Variants in CADPS observed in about 807,000 individuals in gnomAD.
The protein encoded by CADPS is calcium dependent secretion activator, also known as calcium-dependent secretion activator 1.
A neutral mutation model predicts 167.3 loss-of-function variants in CADPS; 57 were observed. The observed-to-expected ratio is 0.34, with a 90% CI of 0.28 to 0.42. The LOEUF (loss-of-function observed/expected upper bound fraction) is 0.42, where lower values mean the gene tolerates loss of function less well. Ranked by LOEUF, CADPS falls within the 20% of genes least tolerant of loss-of-function variation. CADPS has a pLI of 1.00. For synonymous variants in CADPS, 676 were observed against 635.3 expected, an observed-to-expected ratio of 1.06 and a Z score of -0.96; for missense variants, 1,414 against 1,738.1, an observed-to-expected ratio of 0.81 and a Z score of 3.32.
chr3:62,593,679 G>A (rs984189479), intron 6 of CADPS, among the ~76,000 whole-genome samples: 2 of 152,168 alleles, frequency 1.3e-5, no homozygotes, highest in African/African-American at 4.8e-5. Flanking sequence ...TTACATGTAT[G>A]TTTCCTCTGT....
At chr3:62,804,277 C>T (rs939697046) in intron 1 of CADPS, among the ~76,000 whole-genome samples, 2 of 151,996 alleles carry the variant, frequency 1.3e-5, no homozygotes, top group Middle Eastern at 3.2e-3. Context: ...AAAACCACTC[C>T]CCCTTTGAGG....
chr3:62,687,206 G>C (rs2078210701), intron 3 of CADPS, among the ~76,000 whole-genome samples: 1 of 152,108 alleles, frequency 6.6e-6, no homozygotes, highest in South Asian at 2.1e-4. Context: ...CCTCCCATCT[G>C]TTCTTGTTTT....
At position 62,557,499 on chromosome 3, in the gene CADPS, C is replaced by A; in HGVS notation, c.1659G>T (p.Thr553=). 1 of 1,613,536 alleles carries A rather than the reference C, an allele frequency of 6.2e-7. No individual in the cohort carries two copies. Among genetic ancestry groups the A allele is most frequent in the Non-Finnish European group, 8.5e-7 (1 of 1,179,518 alleles). Residue 553 remains threonine (T), a synonymous_variant, in exon 10 of 30, where the codon ACG becomes ACT. Transcript: ENST00000383710. ...TCTCCCGATAACTGCACATGGCAAA[C>A]GTGTACTGACTGACCTGTTAAGGAA... ...FFVLVQVSQY[T]FAMCSYREKK...
At chr3:62,728,809 G>A (rs2077213274) in intron 3 of CADPS, among the ~76,000 whole-genome samples, 1 of 151,734 alleles carries the variant, frequency 6.6e-6, no homozygotes, top group African/African-American at 2.4e-5. Flanking sequence ...TTGACTTGGG[G>A]GCGGCGGAAA....
intron 3 of CADPS, among the ~76,000 whole-genome samples, chr3:62,718,643 G>C (rs1478502351): frequency 6.6e-6 from 1 of 152,186 alleles, no homozygotes; most frequent in African/African-American, 2.4e-5. Flanking sequence ...AGTCAGTTTG[G>C]CAGCAGATCT....
chr3:62,537,716 C>T (rs915040323), intron 11 of CADPS, among the ~76,000 whole-genome samples: 2 of 151,908 alleles, frequency 1.3e-5, no homozygotes, highest in Non-Finnish European at 2.9e-5. Flanking sequence ...TCATGTGTGG[C>T]CTCAGTCCCA....
chr3:62,406,128 C>T (rs550174950), intron 28 of CADPS, among the ~76,000 whole-genome samples: 1 of 152,292 alleles, frequency 6.6e-6, no homozygotes, highest in East Asian at 1.9e-4. Context: ...GTGTGTTTGC[C>T]GGTCATGACA....
chr3:62,788,593 A>G (rs953317854), intron 1 of CADPS, among the ~76,000 whole-genome samples: 18 of 152,156 alleles, frequency 1.2e-4, no homozygotes, highest in African/African-American at 4.3e-4. Flanking sequence ...AAGCTATTGT[A>G]TGTGTACTTT....
intron 3 of CADPS, among the ~76,000 whole-genome samples, chr3:62,740,024 T>C (rs909720170): frequency 2.0e-5 from 3 of 152,228 alleles, no homozygotes; most frequent in Non-Finnish European, 4.4e-5. Context: ...ATCAGTGACT[T>C]ACACTAATAT....
At chr3:62,588,680 A>G (rs2085226663) in intron 7 of CADPS, among the ~76,000 whole-genome samples, 1 of 152,226 alleles carries the variant, frequency 6.6e-6, no homozygotes, top group Non-Finnish European at 1.5e-5. Flanking sequence ...AGCATTGTTT[A>G]TATAGCCAAA....
intron 1 of CADPS, among the ~76,000 whole-genome samples, chr3:62,811,738 C>T (rs2094404551): frequency 6.6e-6 from 1 of 152,152 alleles, no homozygotes; most frequent in Admixed American, 6.6e-5. Context: ...CGTATTAAAT[C>T]CTCATCAGCT....
At chr3:62,429,531 T>C (rs185074141) in intron 28 of CADPS, among the ~76,000 whole-genome samples, 2 of 152,232 alleles carry the variant, frequency 1.3e-5, no homozygotes, top group African/African-American at 4.8e-5. Flanking sequence ...GAGAAGTATT[T>C]GAGGATTTAA....
chr3:62,403,250 G>A, intron 28 of CADPS, 65 bp from the exon 29 acceptor site: 1 of 1,107,240 alleles, frequency 9.0e-7, no homozygotes, highest in Non-Finnish European at 1.4e-6. Context: ...CAGAGAGAGA[G>A]CAGGCAATGT....
rs1276979334 is a variant in CADPS at position 62,478,551 on chromosome 3, GCGGGGGCGA to G, written c.3174-144_3174-136del. ...AAAACAACGTGTGTTGGCGGTGGAG[GCGGGGGCGA>G]GTCTCCACCGGCAGATTTTGAGTTT... On this transcript the variant is annotated intron_variant, in intron 22 of 29. Transcript: ENST00000383710. The surrounding 1 kb of genome is among the most constrained non-coding windows in gnomAD (Gnocchi z 5.7). 2.6e-6 allele frequency: 2 copies of G among 769,432 alleles called. No homozygotes were observed. The highest frequency in any genetic ancestry group is 3.5e-5 in the African/African-American group (2 of 56,954). The allele number at this position is 769,432 out of a possible 1,614,324, so 47.7% of individuals were successfully genotyped here.
intron 1 of CADPS, among the ~76,000 whole-genome samples, chr3:62,830,771 G>A (rs1329368973): frequency 1.3e-5 from 2 of 152,136 alleles, no homozygotes; most frequent in African/African-American, 4.8e-5. Context: ...GATACGTTTT[G>A]TGGAGACTTG....
At chr3:62,746,914 G>A (rs2081584268) in intron 3 of CADPS, among the ~76,000 whole-genome samples, 1 of 152,128 alleles carries the variant, frequency 6.6e-6, no homozygotes. Context: ...TAATAAGTGG[G>A]CATTCTTTTA....
intron 4 of CADPS, among the ~76,000 whole-genome samples, chr3:62,654,889 T>C (rs1223532108): frequency 1.3e-5 from 2 of 152,156 alleles, no homozygotes; most frequent in African/African-American, 4.8e-5. Flanking sequence ...CTAATCAATT[T>C]TGAGAGACTG....
chr3:62,547,388 T>A (rs923917076), intron 11 of CADPS, among the ~76,000 whole-genome samples: 8 of 152,160 alleles, frequency 5.3e-5, no homozygotes, highest in African/African-American at 1.7e-4. Flanking sequence ...AGTGGCTTGT[T>A]CTTTTAGAAC....
intron 28 of CADPS, among the ~76,000 whole-genome samples, chr3:62,415,513 C>T (rs968044322): frequency 2.6e-5 from 4 of 151,978 alleles, no homozygotes; most frequent in Non-Finnish European, 4.4e-5. Flanking sequence ...CTGAAGAAGC[C>T]GGCAACTCGA....
Sources: allele counts gnomAD v4.1 joint callset (sites outside exome capture counted in the v4.1 genomes callset), GRCh38; gene constraint gnomAD v4.1.1; non-coding constraint Gnocchi (gnomAD v3.1); transcripts MANE v1.5; gene names NCBI Gene and HGNC (gene_info 2026-07-23, HGNC 2026-07-21).